FGGY: variants seen among roughly 807,000 people sequenced by gnomAD.
The protein encoded by FGGY is FGGY carbohydrate kinase domain containing.
A neutral mutation model predicts 71.3 loss-of-function variants in FGGY; 72 were observed. The observed-to-expected ratio is 1.01, with a 90% CI of 0.84 to 1.23. The LOEUF (loss-of-function observed/expected upper bound fraction) is 1.23. Among genes scored for constraint, FGGY ranks in the 50% most tolerant of loss-of-function variants. The pLI, the probability that FGGY is intolerant of heterozygous loss-of-function variation, is 0.00. For missense variants in FGGY, 668 were observed against 682.3 expected (o/e 0.98, Z 0.23); for synonymous variants, 251 against 250.3 (o/e 1.00, Z -0.02).
At position 59,345,461 on chromosome 1, in the gene FGGY, C is replaced by A. The variant is rs2051640534; in HGVS notation, c.314-786C>A. ...CTGTGTGGACTACAGGGTGGTAAGG[C>A]AGGATATGAGGGGCAGTGCTCCTTT... is the stretch of plus-strand genomic sequence containing the variant. On this transcript the variant is annotated intron_variant, in intron 3 of 15. Coordinates refer to ENST00000303721, the MANE Select transcript of FGGY (RefSeq NM_018291.5). Among the ~76,000 whole-genome samples, 3 of 152,050 alleles carry A rather than the reference C, an allele frequency of 2.0e-5. No homozygotes were observed. The South Asian group carries it at 6.2e-4, about 32-fold the overall frequency.
intron 2 of FGGY, among the ~76,000 whole-genome samples, chr1:59,331,420 A>G (rs2048452306): frequency 6.6e-6 from 1 of 152,022 alleles, no homozygotes; most frequent in African/African-American, 2.4e-5. Context: ...CCCCAACACA[A>G]GCTGTATTTG....
At chr1:59,586,523 G>T (rs2096290851) in intron 8 of FGGY, among the ~76,000 whole-genome samples, 1 of 152,120 alleles carries the variant, frequency 6.6e-6, no homozygotes, top group East Asian at 1.9e-4. Flanking sequence ...CGGGGGAGTG[G>T]GGAGGGATAG....
At chr1:59,655,450 C>G (rs2097209798) in intron 11 of FGGY, among the ~76,000 whole-genome samples, 1 of 151,814 alleles carries the variant, frequency 6.6e-6, no homozygotes, top group Non-Finnish European at 1.5e-5. Context: ...ACCACAGGCC[C>G]CAGTGTGTGA....
At chr1:59,340,827 C>A (rs1378693755) in intron 3 of FGGY, among the ~76,000 whole-genome samples, 1 of 152,092 alleles carries the variant, frequency 6.6e-6, no homozygotes, top group Admixed American at 6.6e-5. Context: ...AACCACTGCA[C>A]CTGTGTGAAG....
intron 1 of FGGY, among the ~76,000 whole-genome samples, chr1:59,298,806 C>T (rs1486260901): frequency 6.6e-6 from 1 of 152,188 alleles, no homozygotes; most frequent in Non-Finnish European, 1.5e-5. Context: ...TACCTTCTCA[C>T]CCGCCCACCT....
At chr1:59,535,632 C>T (rs2095293263) in intron 7 of FGGY, among the ~76,000 whole-genome samples, 2 of 151,360 alleles carry the variant, frequency 1.3e-5, no homozygotes, top group African/African-American at 4.9e-5. Flanking sequence ...AACAAACTAT[C>T]TCTCAGACCA....
chr1:59,353,420 A>G (rs2053673785), intron 4 of FGGY, among the ~76,000 whole-genome samples: 1 of 152,226 alleles, frequency 6.6e-6, no homozygotes, highest in Non-Finnish European at 1.5e-5. Context: ...TTTATTAAGG[A>G]AAATTCTAGA....
intron 8 of FGGY, among the ~76,000 whole-genome samples, chr1:59,561,339 G>A (rs2095790874): frequency 6.6e-6 from 1 of 152,180 alleles, no homozygotes; most frequent in South Asian, 2.1e-4. Context: ...GACACTCTCT[G>A]TGTCAAGACT....
chr1:59,711,633 C>T (rs1463985662), intron 14 of FGGY, among the ~76,000 whole-genome samples: 1 of 152,144 alleles, frequency 6.6e-6, no homozygotes, highest in Non-Finnish European at 1.5e-5. Flanking sequence ...AGAGGCCTCA[C>T]AATCATGGCA....
At chr1:59,333,442 C>T (rs948933420) in intron 2 of FGGY, among the ~76,000 whole-genome samples, 3 of 152,222 alleles carry the variant, frequency 2.0e-5, no homozygotes, top group Non-Finnish European at 4.4e-5. Context: ...GCTGAATTCT[C>T]ATATCATTGG....
intron 2 of FGGY, among the ~76,000 whole-genome samples, chr1:59,327,668 C>T (rs1329323876): frequency 6.6e-6 from 1 of 152,192 alleles, no homozygotes; most frequent in African/African-American, 2.4e-5. Flanking sequence ...TTTACTTTAT[C>T]TAGATCAATT....
chr1:59,563,083 T>A (rs1368760892), intron 8 of FGGY, among the ~76,000 whole-genome samples: 1 of 152,216 alleles, frequency 6.6e-6, no homozygotes, highest in African/African-American at 2.4e-5. Flanking sequence ...TTGAATACCC[T>A]TTATTTCTTT....
chr1:59,380,463 T>G (rs2059275401), intron 5 of FGGY, among the ~76,000 whole-genome samples: 1 of 151,594 alleles, frequency 6.6e-6, no homozygotes, highest in Non-Finnish European at 1.5e-5. Context: ...ACCTGTTGTT[T>G]CCTGACTTTT....
intron 4 of FGGY, among the ~76,000 whole-genome samples, chr1:59,377,934 T>G (rs1299526744): frequency 1.3e-5 from 2 of 152,180 alleles, no homozygotes; most frequent in Non-Finnish European, 2.9e-5. Flanking sequence ...GCCATTCTCT[T>G]TGACTTAGAC....
chr1:59,622,027 T>C (rs1312486632), intron 9 of FGGY, among the ~76,000 whole-genome samples: 12 of 151,834 alleles, frequency 7.9e-5, no homozygotes, highest in Admixed American at 7.9e-4. Context: ...TCTCTCTTTC[T>C]CTCTCTCTAA....
chr1:59,590,482 C>CAA (rs1487401155), intron 8 of FGGY, among the ~76,000 whole-genome samples: 3 of 152,054 alleles, frequency 2.0e-5, no homozygotes, highest in East Asian at 3.9e-4. Flanking sequence ...AGAGACACAA[C>CAA]CAAAAAAGAG....
intron 5 of FGGY, among the ~76,000 whole-genome samples, chr1:59,412,318 C>T (rs1286554356): frequency 6.9e-6 from 1 of 145,838 alleles, no homozygotes; most frequent in Non-Finnish European, 1.5e-5. Context: ...TCCTTTCTCT[C>T]TATCGTGGAT....
chr1:59,315,924 T>C (rs148112254), intron 1 of FGGY, among the ~76,000 whole-genome samples: 356 of 152,308 alleles, frequency 2.3e-3, no homozygotes, highest in African/African-American at 8.3e-3. Context: ...TGTTTAGAGG[T>C]AAAGTTTTGG....
chr1:59,617,991 G>A (rs150529859), intron 9 of FGGY, among the ~76,000 whole-genome samples: 67 of 152,194 alleles, frequency 4.4e-4, no homozygotes, highest in Middle Eastern at 3.4e-3. Flanking sequence ...TGTATGGAAT[G>A]ACTTGCAGTG....
Sources: gnomAD v4.1 joint callset for allele counts (sites outside exome capture counted in the v4.1 genomes callset) on GRCh38, gnomAD v4.1.1 for gene constraint, MANE v1.5 for transcripts, NCBI Gene and HGNC (gene_info 2026-07-23, HGNC 2026-07-21) for gene names.